QTMAN: variants seen among roughly 807,000 people sequenced by gnomAD.
QTMAN encodes the protein tRNA-queuosine alpha-mannosyltransferase.
At chr2:144,262,586 T>C in the QTMAN span, among the ~76,000 whole-genome samples, 1 of 28,762 alleles carries the variant, frequency 3.5e-5, no homozygotes, top group African/African-American at 1.4e-4. Flanking sequence ...AAAAAAAAAA[T>C]GAAAGGGGAG....
chr2:144,193,410 TTATATATTATGTTATATATAA>T, the QTMAN span, among the ~76,000 whole-genome samples: 4 of 148,494 alleles, frequency 2.7e-5, no homozygotes, highest in African/African-American at 9.8e-5. Flanking sequence ...ATACATTACA[TTATATATTATGTTATATATAA>T]TATATATTAT....
the QTMAN span, among the ~76,000 whole-genome samples, chr2:144,026,996 A>G: frequency 2.0e-5 from 3 of 152,196 alleles, no homozygotes; most frequent in South Asian, 6.2e-4. Context: ...GAATAAAGTC[A>G]TTTGTGATCC....
At chr2:144,013,516 C>T in the QTMAN span, among the ~76,000 whole-genome samples, 3 of 152,092 alleles carry the variant, frequency 2.0e-5, no homozygotes, top group African/African-American at 7.2e-5. Context: ...TGAAGCCATA[C>T]ACCAATGTGA....
chr2:144,024,846 G>A, the QTMAN span, among the ~76,000 whole-genome samples: 1 of 152,022 alleles, frequency 6.6e-6, no homozygotes, highest in African/African-American at 2.4e-5. Context: ...ACTTCTAGAA[G>A]AAATGAATAT....
chr2:143,951,955 C>T, the QTMAN span: 3 of 1,054,716 alleles, frequency 2.8e-6, no homozygotes, highest in African/African-American at 4.8e-5. Context: ...GGCATTTATA[C>T]CATGTAAATC....
the QTMAN span, among the ~76,000 whole-genome samples, chr2:144,085,069 G>T: frequency 6.6e-6 from 1 of 152,170 alleles, no homozygotes; most frequent in Non-Finnish European, 1.5e-5. Context: ...AGCTTAAAAG[G>T]CTGAGAACAG....
At chr2:144,296,919 T>C in the QTMAN span, among the ~76,000 whole-genome samples, 2 of 152,178 alleles carry the variant, frequency 1.3e-5, no homozygotes, top group South Asian at 2.1e-4. Context: ...CAAAGAATGA[T>C]TGCTTTATAA....
At chr2:143,994,643 G>T in the QTMAN span, among the ~76,000 whole-genome samples, 4 of 152,158 alleles carry the variant, frequency 2.6e-5, no homozygotes, top group African/African-American at 9.7e-5. Flanking sequence ...AGACGTAAAA[G>T]ACCACATATT....
the QTMAN span, among the ~76,000 whole-genome samples, chr2:144,063,802 C>A: frequency 6.6e-6 from 1 of 152,146 alleles, no homozygotes; most frequent in Non-Finnish European, 1.5e-5. Flanking sequence ...CTTTAGTAAT[C>A]TGAATAAAAC....
At chr2:144,128,732 T>C in the QTMAN span, among the ~76,000 whole-genome samples, 2 of 152,150 alleles carry the variant, frequency 1.3e-5, no homozygotes, top group African/African-American at 4.8e-5. Flanking sequence ...CTAAAGTTTT[T>C]ATTTCATAGA....
At chr2:144,110,406 G>T in the QTMAN span, among the ~76,000 whole-genome samples, 1 of 152,100 alleles carries the variant, frequency 6.6e-6, no homozygotes, top group East Asian at 1.9e-4. Flanking sequence ...TGAGGGGAGG[G>T]GGGAAGGATA....
At chr2:143,958,634 A>G in the QTMAN span, among the ~76,000 whole-genome samples, 830 of 152,194 alleles carry the variant, frequency 5.5e-3, 7 homozygotes, top group African/African-American at 0.018. Context: ...GAGTACTGTC[A>G]CTTTCAGTAA....
the QTMAN span, among the ~76,000 whole-genome samples, chr2:144,243,317 C>T: frequency 1.3e-5 from 2 of 152,288 alleles, no homozygotes; most frequent in Admixed American, 1.3e-4. Flanking sequence ...TTTAGTTTTA[C>T]TGTAATCTGA....
At chr2:144,050,205 T>C in the QTMAN span, among the ~76,000 whole-genome samples, 52 of 152,252 alleles carry the variant, frequency 3.4e-4, no homozygotes, top group African/African-American at 1.2e-3. Flanking sequence ...AAATTAACTC[T>C]ATGTAGACAA....
chr2:144,105,871 A>T, the QTMAN span, among the ~76,000 whole-genome samples: 1 of 152,226 alleles, frequency 6.6e-6, no homozygotes, highest in Non-Finnish European at 1.5e-5. Context: ...CAGGTTAACC[A>T]CAAAGGGAAG....
At chr2:144,214,057 C>A in the QTMAN span, among the ~76,000 whole-genome samples, 1 of 152,096 alleles carries the variant, frequency 6.6e-6, no homozygotes, top group Non-Finnish European at 1.5e-5. Flanking sequence ...TTAAAATATA[C>A]CTGAAATCTC....
the QTMAN span, among the ~76,000 whole-genome samples, chr2:144,206,980 T>C: frequency 6.6e-6 from 1 of 152,126 alleles, no homozygotes; most frequent in Non-Finnish European, 1.5e-5. Flanking sequence ...AGTAATATAA[T>C]ACAATTGGTG....
chr2:144,096,167 A>G, the QTMAN span, among the ~76,000 whole-genome samples: 34 of 152,228 alleles, frequency 2.2e-4, no homozygotes, highest in Admixed American at 2.2e-3. Flanking sequence ...CAGAGGAGTC[A>G]TAACTAATGG....
chr2:143,945,506 A>G, the QTMAN span: 7 of 152,274 alleles, frequency 4.6e-5, no homozygotes, highest in African/African-American at 1.7e-4. Context: ...TCGATCTGCA[A>G]TACTGCCTCT....
Sources: allele counts gnomAD v4.1 joint callset (sites outside exome capture counted in the v4.1 genomes callset), GRCh38; gene constraint gnomAD v4.1.1; transcripts MANE v1.5; gene names NCBI Gene and HGNC (gene_info 2026-07-23, HGNC 2026-07-21).